The following RASGRF2 variants were observed in gnomAD, a reference collection of about 807,000 sequenced individuals.
RASGRF2 encodes Ras protein specific guanine nucleotide releasing factor 2, also known as ras-specific guanine nucleotide-releasing factor 2.
A neutral mutation model predicts 151.0 loss-of-function variants in RASGRF2; 76 were observed. That is an observed-to-expected ratio of 0.50 (90% CI 0.42 to 0.61). The LOEUF is 0.61. RASGRF2 is among the 20% of genes least tolerant of loss of function. The probability of loss-of-function intolerance (pLI) is 0.00; values close to 1 mark genes in which losing one functional copy is unlikely to be tolerated. For synonymous variants in RASGRF2, 504 were observed against 566.5 expected, an observed-to-expected ratio of 0.89 and a Z score of 1.57; for missense variants, 1,148 against 1,564.6, an observed-to-expected ratio of 0.73 and a Z score of 4.49.
intron 17 of RASGRF2, among the ~76,000 whole-genome samples, chr5:81,131,591 G>A (rs745981193): frequency 5.9e-5 from 9 of 151,766 alleles, no homozygotes; most frequent in Non-Finnish European, 1.0e-4. Flanking sequence ...CTGGTTTTGG[G>A]TGATCTGTCT....
intron 17 of RASGRF2, among the ~76,000 whole-genome samples, chr5:81,174,744 T>C (rs149042329): frequency 1.1e-3 from 175 of 152,280 alleles, no homozygotes; most frequent in African/African-American, 4.0e-3. Flanking sequence ...ACATAAGAAA[T>C]GTGATGAGTT....
chr5:81,126,807 T>C (rs760724121), intron 16 of RASGRF2, among the ~76,000 whole-genome samples: 14 of 152,244 alleles, frequency 9.2e-5, no homozygotes, highest in Non-Finnish European at 1.6e-4. Flanking sequence ...GGACATTTGA[T>C]TGTTTCTACT....
chr5:81,073,853 G>A (rs1350664675), intron 5 of RASGRF2, among the ~76,000 whole-genome samples: 1 of 152,122 alleles, frequency 6.6e-6, no homozygotes, highest in Non-Finnish European at 1.5e-5. Context: ...TCCTGACCTC[G>A]TGATCTGCCT....
At position 81,100,934 on chromosome 5, in the gene RASGRF2, T is replaced by C. The variant is rs187294019; in HGVS notation, c.1755+5942T>C. On this transcript the variant is annotated intron_variant, in intron 12 of 26. Coordinates refer to ENST00000265080, the MANE Select transcript of RASGRF2 (RefSeq NM_006909.3). The stretch of plus-strand genomic sequence containing the variant: ...GGCAACACAGTAGACCGCTGGTCTT[T>C]AAATAGGTACTGCCTTAGGTAAAAC... Among the ~76,000 whole-genome samples, 225 of 152,338 alleles carry C rather than the reference T, an allele frequency of 1.5e-3. 1 individual carries two copies. Among genetic ancestry groups the C allele is most frequent in the African/African-American group, 5.2e-3 (216 of 41,578 alleles).
intron 1 of RASGRF2, among the ~76,000 whole-genome samples, chr5:80,984,444 A>G (rs1748413815): frequency 6.6e-6 from 1 of 152,248 alleles, no homozygotes; most frequent in Non-Finnish European, 1.5e-5. Context: ...CTAAGCTATA[A>G]TTTAATTGAT....
chr5:80,969,815 CTTTTTTTTTTTTTTT>C (rs10584906), intron 1 of RASGRF2, among the ~76,000 whole-genome samples: 2 of 76,944 alleles, frequency 2.6e-5, no homozygotes, highest in Admixed American at 1.7e-4. Context: ...ACTTCTTCTT[CTTTTTTTTTTTTTTT>C]TTTTTTTTTT....
chr5:81,028,471 T>G (rs1190732793), intron 1 of RASGRF2, among the ~76,000 whole-genome samples: 2 of 152,008 alleles, frequency 1.3e-5, no homozygotes. Context: ...TTCCCTCCAA[T>G]TCTATATATC....
chr5:81,042,418 A>T (rs1750705436), intron 1 of RASGRF2, among the ~76,000 whole-genome samples: 1 of 152,244 alleles, frequency 6.6e-6, no homozygotes, highest in South Asian at 2.1e-4. Context: ...CAGCAATTGG[A>T]CTGCATAATT....
rs1215590485 is a variant in RASGRF2, at chr5:81,080,807, C to G, written c.1161+18C>G. On this transcript the variant is annotated intron_variant, in intron 7 of 26. Transcript: ENST00000265080. ...TGTTTCAGGTAAGTCACTTGGGATG[C>G]ATTTTGTAAGTCAGAGTTTCCAGCT... 8 of 1,605,896 alleles carry G rather than the reference C, an allele frequency of 5.0e-6. No individual in the cohort carries two copies. The highest frequency in any genetic ancestry group is 6.8e-6 in the Non-Finnish European group (8 of 1,174,380).
At chr5:81,059,093 T>A (rs146059682) in intron 2 of RASGRF2, among the ~76,000 whole-genome samples, 40 of 152,182 alleles carry the variant, frequency 2.6e-4, no homozygotes, top group Middle Eastern at 3.4e-3. Context: ...CGTTAAAAAC[T>A]GAAATCTTGG....
At chr5:81,035,392 C>G (rs1045660160) in intron 1 of RASGRF2, among the ~76,000 whole-genome samples, 4 of 152,072 alleles carry the variant, frequency 2.6e-5, no homozygotes, top group Non-Finnish European at 5.9e-5. Flanking sequence ...TGTTCTCACT[C>G]ATAGGTGGGA....
chr5:81,206,765 A>C, intron 19 of RASGRF2, 80 bp from the exon 20 acceptor site: 2 of 1,286,812 alleles, frequency 1.6e-6, no homozygotes, highest in South Asian at 2.4e-5. Context: ...CCATCCAGGG[A>C]AAACCAAACT....
At chr5:81,141,943 A>G (rs982437343) in intron 17 of RASGRF2, among the ~76,000 whole-genome samples, 3 of 152,248 alleles carry the variant, frequency 2.0e-5, no homozygotes, top group Admixed American at 1.3e-4. Flanking sequence ...ATTACTGTGA[A>G]TTAAGTTGAT....
intron 15 of RASGRF2, among the ~76,000 whole-genome samples, chr5:81,117,040 T>C (rs1274243772): frequency 1.3e-5 from 2 of 152,232 alleles, no homozygotes. Context: ...GATTAAGTGT[T>C]CCACTTTAAC....
intron 17 of RASGRF2, among the ~76,000 whole-genome samples, chr5:81,179,112 A>G (rs989744469): frequency 6.6e-6 from 1 of 152,226 alleles, no homozygotes; most frequent in Non-Finnish European, 1.5e-5. Context: ...ATGTGATTTC[A>G]TTGTGATTGG....
At chr5:81,147,397 C>A (rs1402141009) in intron 17 of RASGRF2, among the ~76,000 whole-genome samples, 1 of 152,136 alleles carries the variant, frequency 6.6e-6, no homozygotes, top group African/African-American at 2.4e-5. Flanking sequence ...TAGGTGGAGG[C>A]AGCATCTGTC....
chr5:80,991,947 G>C (rs1179870588), intron 1 of RASGRF2, among the ~76,000 whole-genome samples: 2 of 152,126 alleles, frequency 1.3e-5, no homozygotes, highest in East Asian at 1.9e-4. Context: ...AGACTGCATG[G>C]ACAAGGGAAT....
intron 1 of RASGRF2, among the ~76,000 whole-genome samples, chr5:81,014,908 T>C (rs1452160018): frequency 2.6e-5 from 4 of 152,124 alleles, no homozygotes; most frequent in Non-Finnish European, 5.9e-5. Flanking sequence ...TCTATAAAAA[T>C]GAGAATTATT....
intron 1 of RASGRF2, among the ~76,000 whole-genome samples, chr5:81,000,136 G>A (rs920667655): frequency 6.6e-6 from 1 of 152,212 alleles, no homozygotes; most frequent in African/African-American, 2.4e-5. Flanking sequence ...CCTGGGCTGG[G>A]GTGGCTGAAG....
Sources: gnomAD v4.1 joint callset for allele counts (sites outside exome capture counted in the v4.1 genomes callset) on GRCh38, gnomAD v4.1.1 for gene constraint, MANE v1.5 for transcripts, NCBI Gene and HGNC (gene_info 2026-07-23, HGNC 2026-07-21) for gene names.